The following METTL4 variants were observed in gnomAD, a reference collection of about 807,000 sequenced individuals.
METTL4 encodes the protein methyltransferase 4, N6-adenosine.
Under a neutral mutation model 54.0 loss-of-function variants are expected in METTL4, and 40 were observed. The ratio of observed to expected loss-of-function variants is 0.74; its 90% CI spans 0.58 to 0.96. The LOEUF is 0.96. Ranked by LOEUF, METTL4 falls within the 50% of genes least tolerant of loss-of-function variation. METTL4 has a pLI of 0.00. For missense variants in METTL4, 525 were observed against 549.0 expected (o/e 0.96, Z 0.44); for synonymous variants, 169 against 183.8 (o/e 0.92, Z 0.65).
chr18:2,546,843 T>G (rs755165736), intron 6 of METTL4, among the ~76,000 whole-genome samples: 1 of 152,144 alleles, frequency 6.6e-6, no homozygotes, highest in East Asian at 1.9e-4. Context: ...CAAAAGGCAC[T>G]GAGGACCTAA....
intron 4 of METTL4, 167 bp downstream of exon 4, chr18:2,554,502 C>A: frequency 1.7e-6 from 1 of 592,264 alleles, no homozygotes; most frequent in South Asian, 2.5e-5. Context: ...TTAAAAAAAG[C>A]AAAAGTCAGC....
chr18:2,559,812 C>T (rs563772450), intron 3 of METTL4, among the ~76,000 whole-genome samples: 148 of 152,116 alleles, frequency 9.7e-4, no homozygotes, highest in African/African-American at 3.3e-3. Context: ...CTCGGCTTAC[C>T]GCAACCTCCA....
rs1235070207 is a variant in METTL4 at position 2,567,036 on chromosome 18, C to A, written c.181G>T (p.Ala61Ser). The change falls in exon 2 of 9, where the codon GCA (alanine) becomes TCA (serine). Residue 61 changes from alanine to serine, a missense_variant. By Grantham distance (99) the Ala-to-Ser change is moderately conservative. Transcript: ENST00000574538. Reference sequence around the variant, plus strand: ...GTGGAAGAGTCAGAAGCAATAAATGCAGCACAGACTCCAGAGGAGGACACA... The same window carrying A: ...GTGGAAGAGTCAGAAGCAATAAATGAAGCACAGACTCCAGAGGAGGACACA... Reference protein sequence around the residue: ...DSVSSSGVCAAFIASDSSTKP... With the variant: ...DSVSSSGVCASFIASDSSTKP... 2 of 1,614,094 alleles carry A rather than the reference C, an allele frequency of 1.2e-6. No homozygotes were observed. Among genetic ancestry groups the A allele is most frequent in the East Asian group, 4.5e-5 (2 of 44,868 alleles).
At chr18:2,549,942 C>T (rs1305740984) in intron 5 of METTL4, among the ~76,000 whole-genome samples, 2 of 151,080 alleles carry the variant, frequency 1.3e-5, no homozygotes, top group Non-Finnish European at 1.5e-5. Flanking sequence ...TTCAATGAGC[C>T]GAAATCATAC....
intron 5 of METTL4, among the ~76,000 whole-genome samples, chr18:2,549,308 T>C (rs1464005785): frequency 6.6e-6 from 1 of 152,204 alleles, no homozygotes; most frequent in African/African-American, 2.4e-5. Context: ...TCTCTAGTAG[T>C]TCTTTACCAT....
chr18:2,560,113 G>A lies in METTL4; in HGVS notation c.459+3684C>T, dbSNP rs182884802. 1.1e-3 allele frequency among the ~76,000 whole-genome samples: 164 copies of A among 152,046 alleles called. 1 individual carries two copies. Among genetic ancestry groups the A allele is most frequent in the African/African-American group, 3.8e-3 (159 of 41,446 alleles). On this transcript the variant is annotated intron_variant, in intron 3 of 8. Transcript: ENST00000574538. The stretch of plus-strand genomic sequence containing the variant: ...ATAGAAACAAAAAACCTGAAAATCC[G>A]GTTCTCTATTAAAAAACCTGATTTT...
intron 6 of METTL4, among the ~76,000 whole-genome samples, chr18:2,546,129 G>A (rs2072066236): frequency 6.6e-6 from 1 of 151,980 alleles, no homozygotes; most frequent in South Asian, 2.1e-4. Flanking sequence ...TGAAAACAAA[G>A]ATACAACTGT....
intron 5 of METTL4, among the ~76,000 whole-genome samples, chr18:2,550,867 A>C (rs141867527): frequency 7.9e-5 from 12 of 152,304 alleles, no homozygotes; most frequent in East Asian, 1.9e-4. Flanking sequence ...TGCCAAATCA[A>C]TAAGGATATT....
rs1110370 is a variant in METTL4 at position 2,566,699 on chromosome 18, C to T, written c.396+122G>A. On this transcript the variant is annotated intron_variant, in intron 2 of 8. Coordinates refer to ENST00000574538, the MANE Select transcript of METTL4 (RefSeq NM_022840.5). The stretch of plus-strand genomic sequence containing the variant: ...ACAAATTATTTCAGATATGCTAAAG[C>T]CTTTTTGGGTTTTACTGATTCTTCT... The T allele has an allele frequency of 2.2e-3, 1,604 of 729,724 alleles. 16 individuals are homozygous for T. In the African/African-American group the frequency reaches 0.023, roughly 10 times the overall value. The allele number at this position is 729,724 out of a possible 1,614,324, so 45.2% of individuals were successfully genotyped here.
chr18:2,539,273 G>T, intron 8 of METTL4, 128 bp from the exon 9 acceptor site: 1 of 759,098 alleles, frequency 1.3e-6, no homozygotes, highest in Admixed American at 2.7e-5. Context: ...TAATTTCAAG[G>T]ATTTCATCAC....
In METTL4 at chr18:2,567,179, A is replaced by G; in HGVS notation, c.38T>C (p.Leu13Pro). Residue 13 changes from leucine (L) to proline (P), a missense_variant, in exon 2 of 9, where the codon CTG becomes CCG. Physicochemically the swap from Leu to Pro is moderately conservative, Grantham distance 98. Transcript: ENST00000574538. ...VVHQLSAGWL[L>P]DHLSFINKIN... Reference sequence around the variant, plus strand: ...CTTGTTGATAAAAGAAAGATGATCCAGTAACCACCCAGCTGACAACTGGTG... The same window carrying G: ...CTTGTTGATAAAAGAAAGATGATCCGGTAACCACCCAGCTGACAACTGGTG... 1 of 1,613,116 alleles carries G rather than the reference A, an allele frequency of 6.2e-7. No homozygotes were observed. Among genetic ancestry groups the G allele is most frequent in the East Asian group, 2.2e-5 (1 of 44,868 alleles).
In METTL4 at chr18:2,538,098, T is replaced by A; in HGVS notation, c.*902A>T. 1 of 395,436 alleles carries A rather than the reference T, an allele frequency of 2.5e-6. No homozygotes were observed. The highest frequency in any genetic ancestry group is 4.5e-6 in the Non-Finnish European group (1 of 224,576). The allele number at this position is 395,436 out of a possible 1,614,324, so 24.5% of individuals were successfully genotyped here. The stretch of plus-strand genomic sequence containing the variant: ...TTTTAAAAAGTCAATACATAATAAA[T>A]CAATATGCATTTCAAAGAATCATTT... On this transcript the variant is annotated 3_prime_UTR_variant, in exon 9 of 9. Coordinates refer to ENST00000574538, the MANE Select transcript of METTL4 (RefSeq NM_022840.5).
At position 2,537,702 on chromosome 18, in the gene METTL4, T is replaced by C. The variant is rs954890877; in HGVS notation, c.*1298A>G. 1 of 395,524 alleles carries C rather than the reference T, an allele frequency of 2.5e-6. No homozygotes were observed. The highest frequency in any genetic ancestry group is 3.6e-5 in the East Asian group (1 of 27,918). The allele number at this position is 395,524 out of a possible 1,614,324, so 24.5% of individuals were successfully genotyped here. On this transcript the variant is annotated 3_prime_UTR_variant, in exon 9 of 9. Transcript: ENST00000574538. ...CAAAATCAGTAAATTGGCAAGCTTG[T>C]CAAAGAATCATTTCAGTCTAACATT... is the stretch of plus-strand genomic sequence containing the variant.
At position 2,545,359 on chromosome 18, in the gene METTL4, A is replaced by G. The variant is rs75208634; in HGVS notation, c.1075-600T>C. 4.9e-3 allele frequency among the ~76,000 whole-genome samples: 748 copies of G among 152,272 alleles called. 4 individuals are homozygous for G. The highest frequency in any genetic ancestry group is 0.017 in the African/African-American group (721 of 41,576). On this transcript the variant is annotated intron_variant, in intron 6 of 8. Coordinates refer to ENST00000574538, the MANE Select transcript of METTL4 (RefSeq NM_022840.5). Reference sequence around the variant, plus strand: ...AATGAACTAATAAATGAATTGCAATATGACTAAGTAGATCATAATAACACG... The same window carrying G: ...AATGAACTAATAAATGAATTGCAATGTGACTAAGTAGATCATAATAACACG...
In METTL4 at chr18:2,567,226, T is replaced by C. The variant is rs771079776; in HGVS notation, c.-10A>G. On this transcript the variant is annotated 5_prime_UTR_variant, in exon 2 of 9. Transcript: ENST00000574538. ...GGTGTACCACAGACATTCCCTTCCTTTAAAAAAGCCTCTGGGAATTAGGAA... is the reference window on the plus strand; with the variant it reads ...GGTGTACCACAGACATTCCCTTCCTCTAAAAAAGCCTCTGGGAATTAGGAA... 3 of 1,552,192 alleles carry C rather than the reference T, an allele frequency of 1.9e-6. No individual in the cohort carries two copies. The highest frequency in any genetic ancestry group is 1.7e-4 in the Middle Eastern group (1 of 5,768).
rs1228233494 is a variant in METTL4 at position 2,539,154 on chromosome 18, A to G, written c.1274-9T>C. On this transcript the variant is annotated splice_polypyrimidine_tract_variant and intron_variant, in intron 8 of 8. Transcript: ENST00000574538. ...GTAGTCTTTTAAAACCTCTGTTTAA[A>G]AAAGAGAAAAAACACAAAAATTATT... 6.2e-7 allele frequency: 1 copy of G among 1,605,644 alleles called. No homozygotes were observed. Among genetic ancestry groups the G allele is most frequent in the Non-Finnish European group, 8.5e-7 (1 of 1,175,512 alleles).
intron 1 of METTL4, among the ~76,000 whole-genome samples, chr18:2,570,898 C>T (rs2072493451): frequency 6.6e-6 from 1 of 152,190 alleles, no homozygotes; most frequent in Admixed American, 6.5e-5. Flanking sequence ...GCGAGGAAAT[C>T]CTATTTTAGC....
intron 5 of METTL4, among the ~76,000 whole-genome samples, chr18:2,551,077 T>G (rs1259448748): frequency 7.2e-6 from 1 of 138,056 alleles, no homozygotes; most frequent in African/African-American, 2.8e-5. Flanking sequence ...GGCAGGAGAA[T>G]GGCGTGAACC....
chr18:2,554,543 C>G (rs1184162413), intron 4 of METTL4, 126 bp downstream of exon 4: 1 of 821,126 alleles, frequency 1.2e-6, no homozygotes, highest in African/African-American at 1.7e-5. Flanking sequence ...AGACAAATAA[C>G]CCAAGGAAAA....
Sources: gnomAD v4.1 joint callset for allele counts (sites outside exome capture counted in the v4.1 genomes callset) on GRCh38, gnomAD v4.1.1 for gene constraint, MANE v1.5 for transcripts, NCBI Gene and HGNC (gene_info 2026-07-23, HGNC 2026-07-21) for gene names.